Variants in SKAP1 observed in about 807,000 individuals in gnomAD.
The protein encoded by SKAP1 is src kinase associated phosphoprotein 1, also known as src kinase-associated phosphoprotein 1.
A neutral mutation model predicts 58.5 loss-of-function variants in SKAP1; 44 were observed. The observed-to-expected ratio is 0.75, with a 90% CI of 0.59 to 0.97. SKAP1 has a LOEUF of 0.97. Ranked by LOEUF, SKAP1 falls within the 50% of genes least tolerant of loss-of-function variation. The probability of loss-of-function intolerance (pLI) is 0.00; values close to 1 mark genes in which losing one functional copy is unlikely to be tolerated. For synonymous variants in SKAP1, 127 were observed against 149.7 expected (o/e 0.85, Z 1.11); for missense variants, 390 against 435.2 (o/e 0.90, Z 0.92).
In SKAP1 at chr17:48,180,238, G is replaced by C. The variant is rs939916503; in HGVS notation, c.642C>G (p.Ser214=). The C allele has an allele frequency of 3.2e-5, 50 of 1,581,050 alleles. No homozygotes were observed. The highest frequency in any genetic ancestry group is 4.3e-5 in the Non-Finnish European group (50 of 1,162,956). ...CATCCTCTTCATATGGAATGGTTAA[G>C]GAGCTCAGATCTAACAAGGCAAAGA... ...QISFLLKDLS[S]LTIPYEEDEE... The change falls in exon 9 of 13, where the codon TCC becomes TCG. Residue 214 remains serine, a synonymous_variant. Coordinates refer to ENST00000336915, the MANE Select transcript of SKAP1 (RefSeq NM_003726.4).
intron 4 of SKAP1, among the ~76,000 whole-genome samples, chr17:48,213,521 C>T (rs567056947): frequency 6.6e-5 from 10 of 152,138 alleles, no homozygotes; most frequent in Non-Finnish European, 1.5e-4. Flanking sequence ...GACCTAGCAG[C>T]TTGGAGATTG....
At chr17:48,330,272 A>G (rs2066488724) in intron 4 of SKAP1, among the ~76,000 whole-genome samples, 1 of 152,138 alleles carries the variant, frequency 6.6e-6, no homozygotes, top group African/African-American at 2.4e-5. Context: ...ATGAGAGGGG[A>G]AAAAATTGAG....
At position 48,167,969 on chromosome 17, in the gene SKAP1, G is replaced by C. The variant is rs1244846057; in HGVS notation, c.877+2640C>G. ...GAATTTAGTGAAACTCTGAGGTGTT[G>C]AAGAGTCACTCATTAAAATAACCCT... On this transcript the variant is annotated intron_variant, in intron 10 of 12. Transcript: ENST00000336915. 2.0e-5 allele frequency among the ~76,000 whole-genome samples: 3 copies of C among 152,270 alleles called. No individual in the cohort carries two copies. The East Asian group carries it at 5.8e-4, about 29-fold the overall frequency.
At chr17:48,260,960 C>T (rs1053547606) in intron 4 of SKAP1, among the ~76,000 whole-genome samples, 3 of 152,170 alleles carry the variant, frequency 2.0e-5, no homozygotes, top group Non-Finnish European at 4.4e-5. Flanking sequence ...TTAAGATTCA[C>T]CTCAAAATCC....
At chr17:48,443,249 C>T in the SKAP1 span, among the ~76,000 whole-genome samples, 1 of 152,198 alleles carries the variant, frequency 6.6e-6, no homozygotes, top group Non-Finnish European at 1.5e-5. Flanking sequence ...ACTCACATCC[C>T]ATCTGTAATT....
intron 4 of SKAP1, among the ~76,000 whole-genome samples, chr17:48,269,292 A>G (rs974504943): frequency 2.6e-5 from 4 of 152,142 alleles, no homozygotes; most frequent in African/African-American, 9.7e-5. Context: ...AAATAAATAA[A>G]TTTGACCACT....
intron 1 of SKAP1, among the ~76,000 whole-genome samples, chr17:48,413,485 G>A (rs2067691047): frequency 7.9e-6 from 1 of 126,348 alleles, no homozygotes; most frequent in African/African-American, 3.4e-5. Flanking sequence ...TTGCACTCCA[G>A]CCTAGGCAAT....
intron 3 of SKAP1, among the ~76,000 whole-genome samples, chr17:48,359,971 G>T (rs1163663246): frequency 6.6e-6 from 1 of 152,170 alleles, no homozygotes; most frequent in East Asian, 1.9e-4. Flanking sequence ...TTCAAAATGA[G>T]ATTTTTAAGC....
chr17:48,413,985 A>C (rs2067701057), intron 1 of SKAP1, among the ~76,000 whole-genome samples: 1 of 152,226 alleles, frequency 6.6e-6, no homozygotes, highest in Non-Finnish European at 1.5e-5. Context: ...GAAAAGGCAA[A>C]AATCAAAAAC....
At chr17:48,369,204 C>A (rs1169763435) in intron 2 of SKAP1, among the ~76,000 whole-genome samples, 1 of 148,186 alleles carries the variant, frequency 6.7e-6, no homozygotes, top group Non-Finnish European at 1.5e-5. Context: ...TTTAACTGAA[C>A]TTTAGGTCAG....
chr17:48,429,673 T>C (rs1189197948), intron 1 of SKAP1, among the ~76,000 whole-genome samples: 1 of 152,010 alleles, frequency 6.6e-6, no homozygotes, highest in Non-Finnish European at 1.5e-5. Flanking sequence ...CAGGAAGGTT[T>C]GGGGTCTTCT....
At chr17:48,238,383 TAA>T (rs746740472) in intron 4 of SKAP1, among the ~76,000 whole-genome samples, 11 of 152,238 alleles carry the variant, frequency 7.2e-5, no homozygotes, top group African/African-American at 2.2e-4. Context: ...AAACTTGACA[TAA>T]GTTTGTTTAT....
intron 3 of SKAP1, among the ~76,000 whole-genome samples, chr17:48,357,355 G>C (rs1049997623): frequency 7.2e-5 from 11 of 152,166 alleles, no homozygotes; most frequent in African/African-American, 2.7e-4. Flanking sequence ...TTTTGGCCGG[G>C]TGCAGTGGCT....
chr17:48,198,415 A>G (rs2064673240), intron 4 of SKAP1, among the ~76,000 whole-genome samples: 1 of 133,620 alleles, frequency 7.5e-6, no homozygotes, highest in Admixed American at 9.1e-5. Flanking sequence ...AGATGGCGCC[A>G]CTGCACTCCA....
chr17:48,349,277 G>A (rs1312742389), intron 3 of SKAP1, among the ~76,000 whole-genome samples: 2 of 152,124 alleles, frequency 1.3e-5, no homozygotes, highest in African/African-American at 4.8e-5. Flanking sequence ...AGTTCTAAAT[G>A]GCCACAACTG....
At chr17:48,283,786 C>G (rs2065797000) in intron 4 of SKAP1, among the ~76,000 whole-genome samples, 1 of 152,090 alleles carries the variant, frequency 6.6e-6, no homozygotes, top group South Asian at 2.1e-4. Flanking sequence ...CCTAACTGGC[C>G]CTTCTGTCTG....
intron 3 of SKAP1, among the ~76,000 whole-genome samples, chr17:48,349,001 T>C (rs1179336166): frequency 6.6e-6 from 1 of 152,234 alleles, no homozygotes; most frequent in South Asian, 2.1e-4. Flanking sequence ...TAGTTCCTGA[T>C]GATGGAGATG....
At chr17:48,350,357 C>G in intron 3 of SKAP1, among the ~76,000 whole-genome samples, 1 of 152,088 alleles carries the variant, frequency 6.6e-6, no homozygotes, top group East Asian at 1.9e-4. Context: ...ATTATAAAGA[C>G]TCTATTCATA....
At chr17:48,152,490 A>C (rs2063913431) in intron 11 of SKAP1, among the ~76,000 whole-genome samples, 5 of 152,180 alleles carry the variant, frequency 3.3e-5, no homozygotes, top group Admixed American at 6.5e-5. Flanking sequence ...TTTATTACTA[A>C]ATCTCTGTCT....
Sources: gnomAD v4.1 joint callset for allele counts (sites outside exome capture counted in the v4.1 genomes callset) on GRCh38, gnomAD v4.1.1 for gene constraint, MANE v1.5 for transcripts, NCBI Gene and HGNC (gene_info 2026-07-23, HGNC 2026-07-21) for gene names.